DPP10: variants seen among roughly 807,000 people sequenced by gnomAD.
DPP10 encodes dipeptidyl peptidase like 10.
A neutral mutation model predicts 120.9 loss-of-function variants in DPP10; 33 were observed. The observed-to-expected ratio is 0.27, with a 90% CI of 0.21 to 0.37. DPP10 has a LOEUF of 0.37. Among genes scored for constraint, DPP10 ranks in the 10% least tolerant of loss-of-function variants. The pLI, the probability that DPP10 is intolerant of heterozygous loss-of-function variation, is 1.00. For missense variants in DPP10, 816 were observed against 942.8 expected (o/e 0.87, Z 1.76); for synonymous variants, 337 against 326.1 (o/e 1.03, Z -0.36).
chr2:115,603,292 T>C (rs1039203678), intron 5 of DPP10, among the ~76,000 whole-genome samples: 6 of 151,742 alleles, frequency 4.0e-5, no homozygotes, highest in African/African-American at 1.5e-4. Context: ...CAAGGATCTG[T>C]GAATTGTGAC....
chr2:115,167,159 G>A (rs913176892), intron 1 of DPP10, among the ~76,000 whole-genome samples: 1 of 151,742 alleles, frequency 6.6e-6, no homozygotes, highest in Non-Finnish European at 1.5e-5. Flanking sequence ...TTGTTCTAAC[G>A]GTTAAATGAA....
intron 9 of DPP10, 49 bp from the exon 10 acceptor site, chr2:115,746,037 A>G (rs376670609): frequency 3.7e-6 from 5 of 1,333,408 alleles, no homozygotes; most frequent in East Asian, 2.5e-5. Flanking sequence ...TTTACCCAAT[A>G]TATTCTAATG....
At chr2:115,744,978 A>G (rs1251966796) in intron 9 of DPP10, among the ~76,000 whole-genome samples, 1 of 149,442 alleles carries the variant, frequency 6.7e-6, no homozygotes. Flanking sequence ...ATTGGTACTT[A>G]ATGGCATATT....
intron 1 of DPP10, among the ~76,000 whole-genome samples, chr2:114,918,058 A>G (rs1694933118): frequency 6.6e-6 from 1 of 152,216 alleles, no homozygotes; most frequent in African/African-American, 2.4e-5. Context: ...TATGCATCCA[A>G]AAAGGTCTAA....
chr2:114,463,549 T>C (rs191042045), intron 1 of DPP10: 2 of 152,314 alleles, frequency 1.3e-5, no homozygotes, highest in East Asian at 3.9e-4. Context: ...CAACAGTCTT[T>C]AACCCACCCT....
chr2:114,756,783 T>C (rs1032010655), intron 1 of DPP10, among the ~76,000 whole-genome samples: 4 of 142,358 alleles, frequency 2.8e-5, no homozygotes, highest in Non-Finnish European at 6.0e-5. Flanking sequence ...TAATCTCTAC[T>C]TTTTTTTTTC....
intron 1 of DPP10, among the ~76,000 whole-genome samples, chr2:114,714,516 C>G (rs1200576734): frequency 6.6e-6 from 1 of 152,038 alleles, no homozygotes; most frequent in African/African-American, 2.4e-5. Flanking sequence ...ACACTGATGG[C>G]TCTAAACGGA....
chr2:114,841,646 A>C (rs2106450312), intron 1 of DPP10, among the ~76,000 whole-genome samples: 1 of 152,262 alleles, frequency 6.6e-6, no homozygotes, highest in Non-Finnish European at 1.5e-5. Flanking sequence ...TCTAGGACTG[A>C]AAGAAACTTG....
intron 1 of DPP10, among the ~76,000 whole-genome samples, chr2:115,078,713 A>T (rs17686193): frequency 0.28 from 41,846 of 152,108 alleles, 6,232 homozygotes; most frequent in South Asian, 0.37. Context: ...ACAACACGGG[A>T]TTGGTCACCT....
rs542158561 is a variant in DPP10 at position 114,660,909 on chromosome 2, G to A, written c.60+218071G>A. ...TTTGCTAAGAATAAAGGAAAAGGAA[G>A]TAATTTGAATTTCAAATTTTTAGCC... On this transcript the variant is annotated intron_variant, in intron 1 of 25. Coordinates refer to ENST00000410059, the MANE Select transcript of DPP10 (RefSeq NM_020868.6). Among the ~76,000 whole-genome samples the A allele has an allele frequency of 7.6e-4, 116 of 152,242 alleles. No individual in the cohort carries two copies. The Middle Eastern group carries it at 0.014, about 18-fold the overall frequency.
intron 1 of DPP10, among the ~76,000 whole-genome samples, chr2:115,300,308 G>A (rs1216194975): frequency 6.6e-6 from 1 of 152,052 alleles, no homozygotes; most frequent in Non-Finnish European, 1.5e-5. Context: ...CGTCGTTTAA[G>A]TGGAATGATA....
intron 1 of DPP10, among the ~76,000 whole-genome samples, chr2:114,475,905 G>T (rs1680335092): frequency 6.6e-6 from 1 of 152,056 alleles, no homozygotes; most frequent in Non-Finnish European, 1.5e-5. Flanking sequence ...AATTGATTTT[G>T]TTCAAACAAG....
chr2:114,662,068 TGCCC>T (rs1697452526), intron 1 of DPP10, among the ~76,000 whole-genome samples: 1 of 151,148 alleles, frequency 6.6e-6, no homozygotes, highest in African/African-American at 2.4e-5. Context: ...GTCGGCCGGC[TGCCC>T]CTCCCTCTGC....
At chr2:115,137,219 C>T (rs17044133) in intron 1 of DPP10, among the ~76,000 whole-genome samples, 3 of 151,998 alleles carry the variant, frequency 2.0e-5, no homozygotes, top group African/African-American at 7.2e-5. Flanking sequence ...TTCTGATAGG[C>T]AGTGATAGAA....
intron 9 of DPP10, 128 bp from the exon 10 acceptor site, chr2:115,745,958 C>A: frequency 3.2e-6 from 2 of 632,698 alleles, no homozygotes; most frequent in Non-Finnish European, 5.2e-6. Flanking sequence ...ATCATTTCTA[C>A]TTCAGAGAAA....
chr2:114,582,208 T>C (rs141486897), intron 1 of DPP10, among the ~76,000 whole-genome samples: 31 of 152,334 alleles, frequency 2.0e-4, no homozygotes, highest in Admixed American at 3.9e-4. Context: ...TGGAATCATA[T>C]GATTGGCTTC....
chr2:115,246,645 G>C (rs560234399), intron 1 of DPP10, among the ~76,000 whole-genome samples: 1 of 152,084 alleles, frequency 6.6e-6, no homozygotes, highest in Non-Finnish European at 1.5e-5. Flanking sequence ...GCGACAGAAC[G>C]GAGGGAAACT....
rs908453077 is a variant in DPP10 at position 114,961,529 on chromosome 2, C to T, written c.61-347710C>T. ...ATTGTATGGAAATAATTAAAGGTAT[C>T]TTATGAAATGTAATTGGAACTTTTA... On this transcript the variant is annotated intron_variant, in intron 1 of 25. Transcript: ENST00000410059. Among the ~76,000 whole-genome samples the T allele has an allele frequency of 2.0e-5, 3 of 151,810 alleles. No homozygotes were observed. In the South Asian group the frequency reaches 6.2e-4, roughly 32 times the overall value.
intron 1 of DPP10, chr2:115,162,252 C>T (rs867428293): frequency 7.7e-6 from 12 of 1,560,316 alleles, no homozygotes; most frequent in Non-Finnish European, 1.0e-5. Flanking sequence ...GGTGGAGAGC[C>T]GCGGGGAAGG....
Sources: allele counts gnomAD v4.1 joint callset (sites outside exome capture counted in the v4.1 genomes callset), GRCh38; gene constraint gnomAD v4.1.1; transcripts MANE v1.5; gene names NCBI Gene and HGNC (gene_info 2026-07-23, HGNC 2026-07-21).